ZGRF1: variants seen among roughly 807,000 people sequenced by gnomAD.
The protein encoded by ZGRF1 is 5'-3' DNA helicase ZGRF1.
In ZGRF1, 196 loss-of-function variants were observed where a neutral mutation model predicts 203.5. The observed-to-expected ratio is 0.96, with a 90% confidence interval of 0.86 to 1.08. ZGRF1 has a LOEUF of 1.08. Ranked by LOEUF, ZGRF1 falls within the 50% of genes least tolerant of loss-of-function variation. ZGRF1 has a pLI of 0.00. For missense variants in ZGRF1, 2,326 were observed against 2,416.3 expected (o/e 0.96, Z 0.78); for synonymous variants, 809 against 841.3 (o/e 0.96, Z 0.66).
At chr4:112,568,749 C>G (rs1012032738) in intron 16 of ZGRF1, among the ~76,000 whole-genome samples, 1 of 146,864 alleles carries the variant, frequency 6.8e-6, no homozygotes, top group Non-Finnish European at 1.5e-5. Flanking sequence ...GGCGTGGTGG[C>G]TCACGCCTGT....
At chr4:112,602,857 A>C (rs187519504) in intron 10 of ZGRF1, among the ~76,000 whole-genome samples, 1 of 152,338 alleles carries the variant, frequency 6.6e-6, no homozygotes, top group Admixed American at 6.5e-5. Flanking sequence ...TTATAAGTCA[A>C]GACAGTGGAT....
At position 112,619,280 on chromosome 4, in the gene ZGRF1, C is replaced by A; in HGVS notation, c.762G>T (p.Gln254His). 6.2e-7 allele frequency: 1 copy of A among 1,613,226 alleles called. No individual in the cohort carries two copies. Among genetic ancestry groups the A allele is most frequent in the Non-Finnish European group, 8.5e-7 (1 of 1,179,928 alleles). The change falls in exon 6 of 28, where the codon CAG becomes CAT. Residue 254 changes from glutamine (Q) to histidine (H), a missense_variant. Transcript: ENST00000505019. ...ATTCGGACTTCAGAAGAGCTAATAT[C>A]TGTGCTTTGCTTCTGATGTTTTGTG... ...GVSQNIRSKAQILALLKSESS... is the reference protein window; with the variant it reads ...GVSQNIRSKAHILALLKSESS...
At chr4:112,612,319 T>C (rs1229011896) in intron 7 of ZGRF1, among the ~76,000 whole-genome samples, 5 of 152,212 alleles carry the variant, frequency 3.3e-5, no homozygotes, top group African/African-American at 9.7e-5. Flanking sequence ...TAGGAAATAC[T>C]TGAGTTGCTT....
Position 112,587,407 on chromosome 4 carries a change from C to T in ZGRF1, c.3650G>A (p.Ser1217Asn). Residue 1217 changes from serine to asparagine, a missense_variant, in exon 12 of 28, where the codon AGC becomes AAC. Coordinates refer to ENST00000505019, the MANE Select transcript of ZGRF1 (RefSeq NM_018392.5). ...CTTTCTGGAAACCGAATCTTGACTG[C>T]TAAAATCCTGCCGCTGTTGATAGAG... is the stretch of plus-strand genomic sequence containing the variant. The part of the protein sequence containing the change: ...GMLYQQRQDF[S>N]SQDSVSRKKV... The T allele has an allele frequency of 1.2e-6, 2 of 1,613,894 alleles. No individual in the cohort carries two copies. The highest frequency in any genetic ancestry group is 1.3e-5 in the African/African-American group (1 of 75,022).
intron 10 of ZGRF1, among the ~76,000 whole-genome samples, chr4:112,598,289 G>T (rs1749372675): frequency 6.6e-6 from 1 of 152,110 alleles, no homozygotes; most frequent in Non-Finnish European, 1.5e-5. Flanking sequence ...ACAGCTTTTT[G>T]AGGGTATGGA....
chr4:112,553,506 T>C (rs562754900), intron 22 of ZGRF1, among the ~76,000 whole-genome samples: 9 of 152,352 alleles, frequency 5.9e-5, no homozygotes, highest in African/African-American at 1.7e-4. Context: ...AGAATACAAC[T>C]AATTTCATTT....
At chr4:112,555,222 G>A (rs772484944) in intron 20 of ZGRF1, among the ~76,000 whole-genome samples, 26 of 152,172 alleles carry the variant, frequency 1.7e-4, no homozygotes, top group Non-Finnish European at 2.9e-4. Flanking sequence ...GAGGTATCAT[G>A]ATTCAAGCCC....
At chr4:112,543,846 T>G (rs1417059936) in intron 24 of ZGRF1, among the ~76,000 whole-genome samples, 1 of 152,128 alleles carries the variant, frequency 6.6e-6, no homozygotes, top group Non-Finnish European at 1.5e-5. Flanking sequence ...TTAGATAACT[T>G]TTTATTTAAA....
At position 112,596,168 on chromosome 4, in the gene ZGRF1, G is replaced by A. The variant is rs114213810; in HGVS notation, c.2977-6294C>T. On this transcript the variant is annotated intron_variant, in intron 10 of 27. Transcript: ENST00000505019. ...TCTCCTCTCAAAATATACAGAGGAT[G>A]AGAAACAGAAACTCCATCTTTGATG... Among the ~76,000 whole-genome samples the A allele has an allele frequency of 5.3e-3, 800 of 152,296 alleles. 8 individuals are homozygous for A. Among genetic ancestry groups the A allele is most frequent in the African/African-American group, 0.018 (757 of 41,562 alleles).
At chr4:112,549,575 C>T (rs953379384) in intron 22 of ZGRF1, among the ~76,000 whole-genome samples, 3 of 152,148 alleles carry the variant, frequency 2.0e-5, no homozygotes, top group Non-Finnish European at 4.4e-5. Flanking sequence ...AGTGACATCA[C>T]AACCCTCACA....
intron 27 of ZGRF1, 48 bp from the exon 28 acceptor site, chr4:112,539,737 G>T (rs1343399751): frequency 1.3e-6 from 2 of 1,564,446 alleles, no homozygotes; most frequent in East Asian, 2.2e-5. Flanking sequence ...TTTTACAGAG[G>T]TCCCAATATT....
At chr4:112,605,340 T>C (rs972179083) in intron 9 of ZGRF1, among the ~76,000 whole-genome samples, 2 of 152,108 alleles carry the variant, frequency 1.3e-5, no homozygotes, top group African/African-American at 4.8e-5. Flanking sequence ...TTTGTATTTT[T>C]AGTAGAAACG....
Position 112,587,336 on chromosome 4 carries a change from T to C in ZGRF1, c.3721A>G (p.Ile1241Val). Reference protein sequence around the residue: ...NLKQTSKTEEIKNVLGGSTCY... With the variant: ...NLKQTSKTEEVKNVLGGSTCY... ...GTAGACCCTCCTAATACATTTTTAA[T>C]TTCCTCTGTCTTAGAAGTCTGCTTT... The change falls in exon 12 of 28, where the codon ATT (isoleucine) becomes GTT (valine). Residue 1241 changes from isoleucine to valine, a missense_variant. By Grantham distance (29) the Ile-to-Val change is conservative (BLOSUM62 3). Transcript: ENST00000505019. The C allele has an allele frequency of 6.2e-7, 1 of 1,613,646 alleles. No individual in the cohort carries two copies. The highest frequency in any genetic ancestry group is 1.1e-5 in the South Asian group (1 of 91,070).
At chr4:112,595,871 T>A (rs1030573646) in intron 10 of ZGRF1, among the ~76,000 whole-genome samples, 2 of 152,342 alleles carry the variant, frequency 1.3e-5, no homozygotes, top group Admixed American at 6.5e-5. Context: ...TAGTGCTGTA[T>A]AACAAACTGG....
At chr4:112,561,592 G>A (rs1331931150) in intron 18 of ZGRF1, 1 of 152,220 alleles carries the variant, frequency 6.6e-6, no homozygotes, top group Non-Finnish European at 1.5e-5. Context: ...TTGAAAACTG[G>A]ATTTTCCTAT....
At chr4:112,599,234 G>C (rs1054133009) in intron 10 of ZGRF1, among the ~76,000 whole-genome samples, 2 of 151,900 alleles carry the variant, frequency 1.3e-5, no homozygotes, top group Non-Finnish European at 2.9e-5. Context: ...GAAATAGAGG[G>C]AAATATTTTT....
chr4:112,582,689 T>C (rs1746480699), intron 15 of ZGRF1, among the ~76,000 whole-genome samples: 1 of 152,156 alleles, frequency 6.6e-6, no homozygotes. Context: ...GGTACTCCTG[T>C]GTTCAAGTGA....
rs567040215 is a variant in ZGRF1 at position 112,545,010 on chromosome 4, CA to C, written c.5598+2274del. On this transcript the variant is annotated intron_variant, in intron 24 of 27. Transcript: ENST00000505019. ...TTAACTCAAAATGGATCAAAGACCTCAACATAAGAGCTAAAATTATAAAATT... is the reference window on the plus strand; with the variant it reads ...TTAACTCAAAATGGATCAAAGACCTCACATAAGAGCTAAAATTATAAAATT... 2.2e-3 allele frequency among the ~76,000 whole-genome samples: 336 copies of C among 152,040 alleles called. 2 individuals are homozygous for C. Among genetic ancestry groups the C allele is most frequent in the African/African-American group, 7.4e-3 (308 of 41,490 alleles).
intron 16 of ZGRF1, among the ~76,000 whole-genome samples, chr4:112,576,690 C>T (rs951773510): frequency 1.3e-5 from 2 of 151,852 alleles, no homozygotes; most frequent in African/African-American, 4.8e-5. Context: ...GATGGAAGAT[C>T]AAATGAATGA....
Sources: gnomAD v4.1 joint callset for allele counts (sites outside exome capture counted in the v4.1 genomes callset) on GRCh38, gnomAD v4.1.1 for gene constraint, MANE v1.5 for transcripts, NCBI Gene and HGNC (gene_info 2026-07-23, HGNC 2026-07-21) for gene names.